Variants in CCDC146 observed in about 807,000 individuals in gnomAD.
The protein encoded by CCDC146 is coiled-coil domain-containing protein 146.
A neutral mutation model predicts 119.3 loss-of-function variants in CCDC146; 92 were observed. The ratio of observed to expected loss-of-function variants is 0.77; its 90% CI spans 0.65 to 0.92. CCDC146 has a LOEUF of 0.92. Ranked by LOEUF, CCDC146 falls within the 40% of genes least tolerant of loss-of-function variation. The pLI is 0.00. For missense variants in CCDC146, 1,000 were observed against 1,103.0 expected, an observed-to-expected ratio of 0.91 and a Z score of 1.32; for synonymous variants, 372 against 371.8, an observed-to-expected ratio of 1.00 and a Z score of -0.01.
chr7:77,222,654 C>CT (rs1322740491), intron 2 of CCDC146, among the ~76,000 whole-genome samples: 2 of 152,214 alleles, frequency 1.3e-5, no homozygotes, highest in Non-Finnish European at 2.9e-5. Flanking sequence ...AGGGAAGTGG[C>CT]TTTTGTCTGT....
At chr7:77,123,050 G>A (rs1382139869) in intron 1 of CCDC146, among the ~76,000 whole-genome samples, 1 of 143,296 alleles carries the variant, frequency 7.0e-6, no homozygotes, top group African/African-American at 2.6e-5. Context: ...AAGGGTTTTT[G>A]TGAGGATCAA....
chr7:77,270,401 C>T (rs1041436315), intron 9 of CCDC146, among the ~76,000 whole-genome samples: 2 of 151,538 alleles, frequency 1.3e-5, no homozygotes, highest in Admixed American at 6.6e-5. Context: ...TGAAATGCTA[C>T]ACTATAAAAA....
Position 77,283,523 on chromosome 7 carries a change from C to A in CCDC146, c.2148+738C>A, listed in dbSNP as rs901749881. ...TATTTTTTTTTAAATGTCAGGTTTGCGTTTGGATTTTTTTTCCTGATAAAA... is the reference window on the plus strand; with the variant it reads ...TATTTTTTTTTAAATGTCAGGTTTGAGTTTGGATTTTTTTTCCTGATAAAA... On this transcript the variant is annotated intron_variant, in intron 15 of 18. Transcript: ENST00000285871. Among the ~76,000 whole-genome samples the A allele has an allele frequency of 2.0e-5, 3 of 151,556 alleles. No homozygotes were observed. In the South Asian group the frequency reaches 6.2e-4, roughly 32 times the overall value.
chr7:77,237,886 CTT>C (rs1268225006), intron 3 of CCDC146, among the ~76,000 whole-genome samples: 3 of 152,168 alleles, frequency 2.0e-5, no homozygotes, highest in African/African-American at 7.2e-5. Context: ...TCCCCCACCT[CTT>C]GTCTCAGGGC....
chr7:77,242,985 G>T (rs1383620379), intron 4 of CCDC146, among the ~76,000 whole-genome samples: 1 of 152,144 alleles, frequency 6.6e-6, no homozygotes, highest in Non-Finnish European at 1.5e-5. Flanking sequence ...ATCTAAACTT[G>T]TTTCAGGCTT....
At chr7:77,265,699 A>G (rs1404803474) in intron 9 of CCDC146, among the ~76,000 whole-genome samples, 1 of 152,228 alleles carries the variant, frequency 6.6e-6, no homozygotes, top group Non-Finnish European at 1.5e-5. Context: ...GTGATGGACC[A>G]TCGTTTCTGC....
intron 7 of CCDC146, among the ~76,000 whole-genome samples, chr7:77,259,492 A>G (rs902136993): frequency 3.9e-5 from 6 of 152,218 alleles, no homozygotes; most frequent in African/African-American, 1.4e-4. Flanking sequence ...TATTCAGAGT[A>G]GATTGGGAGG....
At chr7:77,271,517 T>TAGATAG (rs1793516565) in intron 9 of CCDC146, among the ~76,000 whole-genome samples, 3 of 552 alleles carry the variant, frequency 5.4e-3, no homozygotes, top group South Asian at 0.029. Context: ...ATAGGAGATA[T>TAGATAG]ATATATATAT....
chr7:77,133,205 C>T (rs1205866090), intron 1 of CCDC146, among the ~76,000 whole-genome samples: 3 of 152,000 alleles, frequency 2.0e-5, no homozygotes, highest in Non-Finnish European at 4.4e-5. Context: ...AAACTCAGTG[C>T]GATTCCTGAT....
At chr7:77,237,072 A>G in intron 3 of CCDC146, 43 bp downstream of exon 3, 1 of 1,488,608 alleles carries the variant, frequency 6.7e-7, no homozygotes. Context: ...ATCACCTTTA[A>G]ATTTCTTACT....
chr7:77,181,296 A>G (rs1001794573), intron 2 of CCDC146, among the ~76,000 whole-genome samples: 1 of 152,166 alleles, frequency 6.6e-6, no homozygotes, highest in Non-Finnish European at 1.5e-5. Context: ...CTCTGGGCCC[A>G]TTCATAAGGT....
chr7:77,132,615 T>C (rs1790800762), intron 1 of CCDC146, among the ~76,000 whole-genome samples: 1 of 151,162 alleles, frequency 6.6e-6, no homozygotes, highest in Non-Finnish European at 1.5e-5. Context: ...CACACACCTG[T>C]AGTCCCAACT....
chr7:77,265,582 G>T (rs937708369), intron 9 of CCDC146, among the ~76,000 whole-genome samples: 2 of 152,052 alleles, frequency 1.3e-5, no homozygotes, highest in Non-Finnish European at 2.9e-5. Flanking sequence ...ACAGACTTAG[G>T]TTCACTTCTA....
At chr7:77,149,633 G>A (rs1233455584) in intron 1 of CCDC146, among the ~76,000 whole-genome samples, 1 of 151,920 alleles carries the variant, frequency 6.6e-6, no homozygotes, top group Admixed American at 6.6e-5. Context: ...GGGCATGGTG[G>A]TGGGCACCTG....
At chr7:77,186,754 T>C (rs1562826307) in intron 2 of CCDC146, among the ~76,000 whole-genome samples, 1 of 152,130 alleles carries the variant, frequency 6.6e-6, no homozygotes, top group African/African-American at 2.4e-5. Context: ...GCCCCCAAAA[T>C]CATAGCAGAC....
At chr7:77,181,680 T>A (rs1051521279) in intron 2 of CCDC146, among the ~76,000 whole-genome samples, 2 of 152,226 alleles carry the variant, frequency 1.3e-5, no homozygotes, top group Non-Finnish European at 2.9e-5. Context: ...TTGATACATT[T>A]AGAAAGTAGG....
intron 1 of CCDC146, among the ~76,000 whole-genome samples, chr7:77,148,628 A>T (rs918340155): frequency 1.3e-5 from 2 of 152,072 alleles, no homozygotes; most frequent in Non-Finnish European, 1.5e-5. Flanking sequence ...AACTTTGTCA[A>T]CGCCTCAGGA....
At chr7:77,224,818 A>T (rs1792473809) in intron 2 of CCDC146, among the ~76,000 whole-genome samples, 2 of 152,198 alleles carry the variant, frequency 1.3e-5, no homozygotes, top group South Asian at 4.1e-4. Flanking sequence ...TTCTGCTGGC[A>T]GCATGCAGGA....
At chr7:77,249,398 GATTCTCTT>G (rs1363388115) in intron 4 of CCDC146, among the ~76,000 whole-genome samples, 2 of 150,304 alleles carry the variant, frequency 1.3e-5, no homozygotes, top group African/African-American at 4.9e-5. Flanking sequence ...TGAGGCAGGA[GATTCTCTT>G]GAACCCAGGA....
Sources: allele counts gnomAD v4.1 joint callset (sites outside exome capture counted in the v4.1 genomes callset), GRCh38; gene constraint gnomAD v4.1.1; transcripts MANE v1.5; gene names NCBI Gene and HGNC (gene_info 2026-07-23, HGNC 2026-07-21).